Variants in CAMK1D observed in about 807,000 individuals in gnomAD.
CAMK1D encodes calcium/calmodulin dependent protein kinase ID.
In CAMK1D, 9 loss-of-function variants were observed where a neutral mutation model predicts 47.7. That is an observed-to-expected ratio of 0.19 (90% confidence interval 0.11 to 0.33). The LOEUF is 0.33. Among genes scored for constraint, CAMK1D ranks in the 10% least tolerant of loss-of-function variants. The pLI is 1.00. For missense variants in CAMK1D, 291 were observed against 488.7 expected (o/e 0.60, Z 3.81); for synonymous variants, 184 against 184.9 (o/e 0.99, Z 0.04).
intron 2 of CAMK1D, among the ~76,000 whole-genome samples, chr10:12,616,769 G>A (rs536097863): frequency 4.3e-4 from 66 of 152,150 alleles, no homozygotes; most frequent in African/African-American, 1.6e-3. Context: ...CGCCCGCCTC[G>A]GCCTCCCAAA....
intron 8 of CAMK1D, among the ~76,000 whole-genome samples, chr10:12,820,079 C>T (rs903563419): frequency 1.3e-5 from 2 of 152,194 alleles, no homozygotes; most frequent in African/African-American, 2.4e-5. Context: ...CTCACTCTGT[C>T]GCCAGGCTAG....
At chr10:12,801,354 T>TTTATCTATCTATC (rs1838457131) in intron 6 of CAMK1D, among the ~76,000 whole-genome samples, 1 of 66,490 alleles carries the variant, frequency 1.5e-5, no homozygotes, top group Non-Finnish European at 3.1e-5. Flanking sequence ...TCTATCTATC[T>TTTATCTATCTATC]TATCTATCTA....
chr10:12,723,019 T>A (rs1588849180), intron 3 of CAMK1D, among the ~76,000 whole-genome samples: 1 of 151,516 alleles, frequency 6.6e-6, no homozygotes, highest in Non-Finnish European at 1.5e-5. Context: ...GAAAGGAAGG[T>A]GTTCCGGAGT....
chr10:12,634,259 G>A (rs115640641), intron 2 of CAMK1D, among the ~76,000 whole-genome samples: 1,598 of 152,262 alleles, frequency 0.01, 20 homozygotes, highest in African/African-American at 0.035. Context: ...TCTGTTTCAC[G>A]CTGCACAGTA....
intron 1 of CAMK1D, among the ~76,000 whole-genome samples, chr10:12,399,039 T>A (rs1839074102): frequency 6.6e-6 from 1 of 152,214 alleles, no homozygotes; most frequent in African/African-American, 2.4e-5. Flanking sequence ...GTTAGCCTTT[T>A]CCTTTCTAGC....
At chr10:12,528,736 C>CTTTTTTTTTTTTTTT (rs34250007) in intron 1 of CAMK1D, among the ~76,000 whole-genome samples, 2 of 137,910 alleles carry the variant, frequency 1.5e-5, no homozygotes, top group Non-Finnish European at 3.1e-5. Context: ...AAATCCTCAT[C>CTTTTTTTTTTTTTTT]TTTTTTTTTT....
chr10:12,555,643 C>T (rs1345915420), intron 2 of CAMK1D, among the ~76,000 whole-genome samples: 1 of 152,170 alleles, frequency 6.6e-6, no homozygotes. Flanking sequence ...AAGTTATTTG[C>T]TGGTGACATT....
At chr10:12,705,010 G>T (rs1317473117) in intron 3 of CAMK1D, among the ~76,000 whole-genome samples, 1 of 152,172 alleles carries the variant, frequency 6.6e-6, no homozygotes, top group East Asian at 1.9e-4. Flanking sequence ...TCTCTGTAGT[G>T]ATCAGGGATC....
intron 8 of CAMK1D, among the ~76,000 whole-genome samples, chr10:12,824,200 A>C (rs1056464778): frequency 6.6e-6 from 1 of 152,048 alleles, no homozygotes; most frequent in African/African-American, 2.4e-5. Context: ...AGAGCCGGGG[A>C]GTAGTCAACC....
intron 1 of CAMK1D, among the ~76,000 whole-genome samples, chr10:12,508,100 A>G (rs1834932288): frequency 1.3e-5 from 2 of 152,210 alleles, no homozygotes; most frequent in African/African-American, 4.8e-5. Context: ...AAACAGCTCT[A>G]GGAAGACGAT....
chr10:12,378,968 C>T (rs192411001), intron 1 of CAMK1D, among the ~76,000 whole-genome samples: 123 of 152,140 alleles, frequency 8.1e-4, no homozygotes, highest in African/African-American at 2.8e-3. Flanking sequence ...TACCAGCATG[C>T]CCGGCTAATT....
At chr10:12,456,765 T>TTAAA (rs1833257692) in intron 1 of CAMK1D, 1 of 4,406 alleles carries the variant, frequency 2.3e-4, no homozygotes, top group East Asian at 0.01. Context: ...AGACTCTGTC[T>TTAAA]CAAAAAAAAA....
intron 2 of CAMK1D, among the ~76,000 whole-genome samples, chr10:12,656,231 C>A (rs912784449): frequency 6.6e-6 from 1 of 152,158 alleles, no homozygotes; most frequent in Non-Finnish European, 1.5e-5. Flanking sequence ...TATGCCCCCA[C>A]AGTGGGTACC....
chr10:12,380,108 G>C (rs1043323715), intron 1 of CAMK1D, among the ~76,000 whole-genome samples: 1 of 151,976 alleles, frequency 6.6e-6, no homozygotes, highest in East Asian at 1.9e-4. Flanking sequence ...CCTGCTACTC[G>C]GGAGGCTGAG....
chr10:12,369,945 G>C (rs9423873), intron 1 of CAMK1D, among the ~76,000 whole-genome samples: 305 of 148,532 alleles, frequency 2.1e-3, no homozygotes, highest in African/African-American at 7.1e-3. Context: ...AACAGAGTGA[G>C]ACTCTGTCTC....
chr10:12,736,256 C>G (rs1304662348), intron 3 of CAMK1D, among the ~76,000 whole-genome samples: 2 of 152,158 alleles, frequency 1.3e-5, no homozygotes, highest in African/African-American at 4.8e-5. Flanking sequence ...TATGGCGTGG[C>G]CCTGCCCATG....
chr10:12,415,886 G>A (rs755999826), intron 1 of CAMK1D: 1 of 151,548 alleles, frequency 6.6e-6, no homozygotes, highest in Non-Finnish European at 1.5e-5. Context: ...GCCCATTGGA[G>A]CCTCGACCTC....
At chr10:12,752,067 C>A (rs1055452871) in intron 3 of CAMK1D, among the ~76,000 whole-genome samples, 5 of 151,826 alleles carry the variant, frequency 3.3e-5, no homozygotes, top group Admixed American at 1.3e-4. Flanking sequence ...CCACAGTGGC[C>A]GCCTCCCAGG....
At chr10:12,370,340 T>C (rs549513846) in intron 1 of CAMK1D, among the ~76,000 whole-genome samples, 28 of 152,256 alleles carry the variant, frequency 1.8e-4, no homozygotes, top group Non-Finnish European at 8.8e-5. Context: ...TAAACAATGA[T>C]GTTACTGGTT....
Sources: allele counts gnomAD v4.1 joint callset (sites outside exome capture counted in the v4.1 genomes callset), GRCh38; gene constraint gnomAD v4.1.1; transcripts MANE v1.5; gene names NCBI Gene and HGNC (gene_info 2026-07-23, HGNC 2026-07-21).